Variants in CTNNA3 observed in about 807,000 individuals in gnomAD.
The protein encoded by CTNNA3 is catenin alpha 3.
Under a neutral mutation model 95.7 loss-of-function variants are expected in CTNNA3, and 76 were observed. The ratio of observed to expected loss-of-function variants is 0.79; its 90% CI spans 0.66 to 0.96. The LOEUF (loss-of-function observed/expected upper bound fraction) is 0.96, where lower values mean the gene tolerates loss of function less well. CTNNA3 is among the 40% of genes least tolerant of loss of function. The pLI is 0.00. For missense variants in CTNNA3, 1,191 were observed against 1,089.8 expected (o/e 1.09, Z -1.31); for synonymous variants, 431 against 374.4 (o/e 1.15, Z -1.74).
chr10:66,158,411 C>T (rs2084664113), intron 13 of CTNNA3, among the ~76,000 whole-genome samples: 1 of 152,020 alleles, frequency 6.6e-6, no homozygotes, highest in Non-Finnish European at 1.5e-5. Context: ...AAAAGGGTGT[C>T]CTTTCCCCAC....
Position 67,606,776 on chromosome 10 carries a change from C to T in CTNNA3, c.292+81G>A. 2.5e-6 allele frequency: 3 copies of T among 1,183,776 alleles called. No individual in the cohort carries two copies. The East Asian group carries it at 7.1e-5, about 28-fold the overall frequency. 73.3% of individuals were successfully genotyped at this position (1,183,776 alleles called of 1,614,324 possible). A position where few individuals can be genotyped will look rare whatever the true frequency, so the allele number is the denominator to read the frequency against. ...ACTAAAAAACTGGAGCCAACAAAAACAAAACACTCACAAATCTAATTTGGG... is the reference window on the plus strand; with the variant it reads ...ACTAAAAAACTGGAGCCAACAAAAATAAAACACTCACAAATCTAATTTGGG... On this transcript the variant is annotated intron_variant, in intron 3 of 17. Transcript: ENST00000433211.
chr10:67,653,344 T>G (rs1564810921), intron 1 of CTNNA3, among the ~76,000 whole-genome samples: 1 of 152,202 alleles, frequency 6.6e-6, no homozygotes, highest in South Asian at 2.1e-4. Flanking sequence ...ACACTGGGAA[T>G]CACAATTCTA....
intron 5 of CTNNA3, among the ~76,000 whole-genome samples, chr10:67,468,652 T>C (rs1355154198): frequency 6.6e-5 from 10 of 152,114 alleles, no homozygotes; most frequent in Admixed American, 6.6e-4. Flanking sequence ...CGTTTTCTGC[T>C]GGTGCTATTA....
intron 1 of CTNNA3, among the ~76,000 whole-genome samples, chr10:67,743,028 A>G (rs959202031): frequency 6.6e-6 from 1 of 151,228 alleles, no homozygotes; most frequent in Non-Finnish European, 1.5e-5. Flanking sequence ...CCAACCAAAA[A>G]CACTCCAGGA....
chr10:66,098,744 G>A (rs2081498683), intron 14 of CTNNA3: 3 of 152,140 alleles, frequency 2.0e-5, no homozygotes, highest in African/African-American at 7.2e-5. Flanking sequence ...AATGTTCTAT[G>A]AACCCGAATC....
intron 5 of CTNNA3, among the ~76,000 whole-genome samples, chr10:67,457,642 G>T (rs553266247): frequency 1.3e-5 from 2 of 152,070 alleles, no homozygotes; most frequent in African/African-American, 4.8e-5. Flanking sequence ...GAATTAGGCC[G>T]CATGGGCTAA....
chr10:66,013,590 C>T (rs2079043992), intron 15 of CTNNA3, among the ~76,000 whole-genome samples: 1 of 152,082 alleles, frequency 6.6e-6, no homozygotes, highest in African/African-American at 2.4e-5. Context: ...CTGCAAGAGG[C>T]TTTGATGTCA....
chr10:67,180,939 T>A (rs1862508339), intron 6 of CTNNA3, among the ~76,000 whole-genome samples: 1 of 152,184 alleles, frequency 6.6e-6, no homozygotes, highest in South Asian at 2.1e-4. Context: ...CTGCACTGTT[T>A]ATACAATATT....
At chr10:66,206,907 C>T (rs561202652) in intron 13 of CTNNA3, among the ~76,000 whole-genome samples, 1 of 151,960 alleles carries the variant, frequency 6.6e-6, no homozygotes, top group East Asian at 1.9e-4. Context: ...TGTATATTCA[C>T]TCTCCCTCCT....
chr10:67,577,117 A>G (rs1236122711), intron 3 of CTNNA3, among the ~76,000 whole-genome samples: 2 of 150,948 alleles, frequency 1.3e-5, no homozygotes, highest in Non-Finnish European at 2.9e-5. Flanking sequence ...TAGATCCCTG[A>G]GGAATCGCCA....
At chr10:66,116,933 T>A (rs1013596029) in intron 13 of CTNNA3, among the ~76,000 whole-genome samples, 2 of 152,100 alleles carry the variant, frequency 1.3e-5, no homozygotes, top group African/African-American at 4.8e-5. Context: ...CACGATTCAA[T>A]CACCACCCCC....
chr10:66,617,858 C>G, intron 10 of CTNNA3, among the ~76,000 whole-genome samples: 1 of 151,530 alleles, frequency 6.6e-6, no homozygotes. Context: ...GCAACTTCAG[C>G]AAAGTCTCAG....
intron 14 of CTNNA3, chr10:66,084,752 A>G (rs1412369380): frequency 6.6e-6 from 1 of 152,226 alleles, no homozygotes; most frequent in Non-Finnish European, 1.5e-5. Context: ...ACAATAATCA[A>G]AAAATAAAAT....
At chr10:67,638,208 G>A (rs1023148627) in intron 2 of CTNNA3, among the ~76,000 whole-genome samples, 1 of 152,160 alleles carries the variant, frequency 6.6e-6, no homozygotes, top group African/African-American at 2.4e-5. Context: ...GGCAGGGGTT[G>A]CAATCCTAGT....
chr10:67,084,218 G>T (rs1445582755), intron 7 of CTNNA3, among the ~76,000 whole-genome samples: 1 of 152,018 alleles, frequency 6.6e-6, no homozygotes, highest in African/African-American at 2.4e-5. Flanking sequence ...ATCCTCATAT[G>T]TATTGTTCCT....
intron 5 of CTNNA3, among the ~76,000 whole-genome samples, chr10:67,483,465 T>C (rs1301360697): frequency 6.6e-6 from 1 of 150,590 alleles, no homozygotes; most frequent in Non-Finnish European, 1.5e-5. Flanking sequence ...ATGTCCTTTG[T>C]AGGGACATGG....
intron 9 of CTNNA3, among the ~76,000 whole-genome samples, chr10:66,630,893 G>A (rs559458248): frequency 6.6e-6 from 1 of 152,238 alleles, no homozygotes; most frequent in South Asian, 2.1e-4. Context: ...CACCTATTAT[G>A]TGGGCTGGGA....
chr10:66,257,993 ATAAC>A (rs2090855906), intron 13 of CTNNA3, among the ~76,000 whole-genome samples: 1 of 152,172 alleles, frequency 6.6e-6, no homozygotes, highest in Admixed American at 6.5e-5. Context: ...TGAATGGCAA[ATAAC>A]TTAACTTGAA....
intron 3 of CTNNA3, among the ~76,000 whole-genome samples, chr10:67,601,625 G>A (rs528350053): frequency 1.3e-5 from 2 of 152,246 alleles, no homozygotes; most frequent in Admixed American, 6.5e-5. Flanking sequence ...TATGCTACAG[G>A]CAAAACATGT....
Sources: gnomAD v4.1 joint callset for allele counts (sites outside exome capture counted in the v4.1 genomes callset) on GRCh38, gnomAD v4.1.1 for gene constraint, MANE v1.5 for transcripts, NCBI Gene and HGNC (gene_info 2026-07-23, HGNC 2026-07-21) for gene names.